Variants in CNIH4 observed in about 807,000 individuals in gnomAD.
CNIH4 encodes protein cornichon homolog 4.
Under a neutral mutation model 21.5 loss-of-function variants are expected in CNIH4, and 9 were observed. The observed-to-expected ratio is 0.42, with a 90% CI of 0.25 to 0.73. The LOEUF (loss-of-function observed/expected upper bound fraction) is 0.73, where lower values mean the gene tolerates loss of function less well. Ranked by LOEUF, CNIH4 falls within the 30% of genes least tolerant of loss-of-function variation. The pLI is 0.27. For missense variants in CNIH4, 159 were observed against 170.0 expected, an observed-to-expected ratio of 0.94 and a Z score of 0.36; for synonymous variants, 67 against 59.1, an observed-to-expected ratio of 1.13 and a Z score of -0.61.
intron 1 of CNIH4, among the ~76,000 whole-genome samples, chr1:224,359,348 T>TA (rs1672206025): frequency 1.3e-5 from 2 of 152,168 alleles, no homozygotes; most frequent in African/African-American, 4.8e-5. Flanking sequence ...GGATTTCAAA[T>TA]AGAGTGCTGG....
At chr1:224,369,065 T>C (rs776529292) in intron 3 of CNIH4, among the ~76,000 whole-genome samples, 1 of 152,174 alleles carries the variant, frequency 6.6e-6, no homozygotes, top group Non-Finnish European at 1.5e-5. Context: ...TGGGGAATCA[T>C]ACCACAGCTC....
intron 3 of CNIH4, among the ~76,000 whole-genome samples, chr1:224,366,513 G>A (rs1198976178): frequency 2.0e-5 from 3 of 151,176 alleles, no homozygotes; most frequent in African/African-American, 7.3e-5. Context: ...ACAGTGCCTG[G>A]CTAATTTTTG....
intron 3 of CNIH4, among the ~76,000 whole-genome samples, chr1:224,368,879 C>T (rs148349163): frequency 6.6e-6 from 1 of 151,264 alleles, no homozygotes; most frequent in East Asian, 1.9e-4. Flanking sequence ...ATTTTCTCTA[C>T]ATCCTTGCCA....
At position 224,357,005 on chromosome 1, in the gene CNIH4, T is replaced by G. The variant is rs990470099; in HGVS notation, c.69+12T>G. On this transcript the variant is annotated intron_variant, in intron 1 of 4. Coordinates refer to ENST00000465271, the MANE Select transcript of CNIH4 (RefSeq NM_014184.4). ...TCTCGGTCTACTTCGTATCCTTGCC[T>G]GAGGCAGGCGAACGCCTTGCCGGGG... 1 of 1,604,992 alleles carries G rather than the reference T, an allele frequency of 6.2e-7. No individual in the cohort carries two copies. Among genetic ancestry groups the G allele is most frequent in the Non-Finnish European group, 8.5e-7 (1 of 1,175,956 alleles).
chr1:224,365,162 A>G (rs552240276), intron 2 of CNIH4, among the ~76,000 whole-genome samples: 1 of 152,296 alleles, frequency 6.6e-6, no homozygotes, highest in Admixed American at 6.5e-5. Context: ...AGTTTCTTTC[A>G]TTAAATATTA....
At chr1:224,368,184 T>C (rs1672520877) in intron 3 of CNIH4, among the ~76,000 whole-genome samples, 2 of 152,054 alleles carry the variant, frequency 1.3e-5, no homozygotes, top group Admixed American at 1.3e-4. Flanking sequence ...ATACAAAAAT[T>C]AGCTGGGCGT....
intron 2 of CNIH4, among the ~76,000 whole-genome samples, chr1:224,363,560 A>G (rs1189290647): frequency 5.3e-5 from 8 of 152,150 alleles, no homozygotes; most frequent in Admixed American, 5.2e-4. Context: ...TCTAGGCTCA[A>G]GCAATCCTCC....
Position 224,377,900 on chromosome 1 carries a change from G to A in CNIH4, c.*2078G>A, listed in dbSNP as rs1178467663. ...TGTCAGTTTACAGTACATCAGGCTT[G>A]CTGAGGCTAAGCAAATCAGAAAGGT... is the stretch of plus-strand genomic sequence containing the variant. On this transcript the variant is annotated 3_prime_UTR_variant, in exon 5 of 5. Transcript: ENST00000465271. 5 of 152,224 alleles carry A rather than the reference G, an allele frequency of 3.3e-5. No individual in the cohort carries two copies. The highest frequency in any genetic ancestry group is 5.9e-5 in the Non-Finnish European group (4 of 68,052). The allele number at this position is 152,224 out of a possible 1,614,324, so 9.4% of individuals were successfully genotyped here. A position where few individuals can be genotyped will look rare whatever the true frequency, so the allele number is the denominator to read the frequency against.
At position 224,377,040 on chromosome 1, in the gene CNIH4, A is replaced by T. The variant is rs1672799703; in HGVS notation, c.*1218A>T. 2 of 473,788 alleles carry T rather than the reference A, an allele frequency of 4.2e-6. No homozygotes were observed. The highest frequency in any genetic ancestry group is 5.5e-6 in the Non-Finnish European group (2 of 362,470). 29.3% of individuals were successfully genotyped at this position (473,788 alleles called of 1,614,324 possible). On this transcript the variant is annotated 3_prime_UTR_variant, in exon 5 of 5. Transcript: ENST00000465271. ...TGTGGTACCCAAAAGATTAAATGTT[A>T]CATGTCCTTTTAGTCCTTGACCAGG...
At chr1:224,358,972 C>G (rs1262345575) in intron 1 of CNIH4, among the ~76,000 whole-genome samples, 1 of 152,142 alleles carries the variant, frequency 6.6e-6, no homozygotes, top group Non-Finnish European at 1.5e-5. Context: ...TTTTCTTGGA[C>G]TTTGAACTGT....
At chr1:224,359,595 CAG>C (rs1672215181) in intron 1 of CNIH4, among the ~76,000 whole-genome samples, 1 of 152,084 alleles carries the variant, frequency 6.6e-6, no homozygotes, top group African/African-American at 2.4e-5. Flanking sequence ...ATTTTTGAGA[CAG>C]AGTCTCACTG....
Position 224,376,348 on chromosome 1 carries a change from A to G in CNIH4, c.*526A>G. On this transcript the variant is annotated 3_prime_UTR_variant, in exon 5 of 5. Transcript: ENST00000465271. ...CTTTTCACAAGAATGTCAACAGAGA[A>G]TGGCATCTCAAAATATATATATTTC... 2.0e-6 allele frequency: 2 copies of G among 985,346 alleles called. No individual in the cohort carries two copies. The highest frequency in any genetic ancestry group is 2.4e-6 in the Non-Finnish European group (2 of 829,816). 61.0% of individuals were successfully genotyped at this position (985,346 alleles called of 1,614,324 possible).
intron 1 of CNIH4, among the ~76,000 whole-genome samples, chr1:224,357,873 A>T (rs1470414684): frequency 6.6e-6 from 1 of 152,238 alleles, no homozygotes; most frequent in East Asian, 1.9e-4. Context: ...TTGACAAAGC[A>T]TCTAGGCTTA....
At chr1:224,371,897 G>A (rs996958166) in intron 4 of CNIH4, among the ~76,000 whole-genome samples, 3 of 152,146 alleles carry the variant, frequency 2.0e-5, no homozygotes, top group African/African-American at 4.8e-5. Flanking sequence ...AGCCAGGATC[G>A]CGCCATTGCA....
chr1:224,373,128 C>T (rs1558400985), intron 4 of CNIH4, among the ~76,000 whole-genome samples: 1 of 152,136 alleles, frequency 6.6e-6, no homozygotes, highest in South Asian at 2.1e-4. Flanking sequence ...TCATACCCTA[C>T]CTCATTACTA....
intron 3 of CNIH4, among the ~76,000 whole-genome samples, chr1:224,370,537 C>G (rs1672592682): frequency 6.6e-6 from 1 of 152,160 alleles, no homozygotes; most frequent in African/African-American, 2.4e-5. Flanking sequence ...CACTTAAATT[C>G]ATTGATCCTC....
intron 4 of CNIH4, among the ~76,000 whole-genome samples, chr1:224,373,472 G>T (rs933910192): frequency 6.6e-6 from 1 of 152,108 alleles, no homozygotes; most frequent in Non-Finnish European, 1.5e-5. Flanking sequence ...TTGCTTAGTA[G>T]ACTCAAAGTC....
intron 4 of CNIH4, among the ~76,000 whole-genome samples, chr1:224,372,685 C>A (rs1035748991): frequency 6.6e-6 from 1 of 151,808 alleles, no homozygotes; most frequent in African/African-American, 2.4e-5. Flanking sequence ...CAGGTTCAAG[C>A]GATTCTCCTG....
At chr1:224,359,466 T>G (rs1299801716) in intron 1 of CNIH4, among the ~76,000 whole-genome samples, 1 of 152,212 alleles carries the variant, frequency 6.6e-6, no homozygotes, top group Non-Finnish European at 1.5e-5. Flanking sequence ...CAGAGATAGC[T>G]TTCCATATTT....
Sources: allele counts gnomAD v4.1 joint callset (sites outside exome capture counted in the v4.1 genomes callset), GRCh38; gene constraint gnomAD v4.1.1; transcripts MANE v1.5; gene names NCBI Gene and HGNC (gene_info 2026-07-23, HGNC 2026-07-21).